The following SEMA3F variants were observed in gnomAD, a reference collection of about 807,000 sequenced individuals.
The protein encoded by SEMA3F is semaphorin-3F.
A neutral mutation model predicts 98.5 loss-of-function variants in SEMA3F; 30 were observed. The ratio of observed to expected loss-of-function variants is 0.30; its 90% CI spans 0.23 to 0.41. The LOEUF (loss-of-function observed/expected upper bound fraction) is 0.41, where lower values mean the gene tolerates loss of function less well. SEMA3F is among the 10% of genes least tolerant of loss of function. The pLI is 1.00. For synonymous variants in SEMA3F, 380 were observed against 444.8 expected, an observed-to-expected ratio of 0.85 and a Z score of 1.83; for missense variants, 866 against 1,119.3, an observed-to-expected ratio of 0.77 and a Z score of 3.23.
intron 2 of SEMA3F, among the ~76,000 whole-genome samples, chr3:50,168,641 A>G (rs2109075080): frequency 6.6e-6 from 1 of 152,204 alleles, no homozygotes; most frequent in African/African-American, 2.4e-5. Context: ...TTAAAAGAGG[A>G]TTAGGCTGAG....
chr3:50,183,819 GCTGAAGGTTGGGGGGA>G (rs1322304396), intron 12 of SEMA3F, among the ~76,000 whole-genome samples: 2 of 152,202 alleles, frequency 1.3e-5, no homozygotes, highest in Admixed American at 1.3e-4. Context: ...CTGTTTGGGA[GCTGAAGGTTGGGGGGA>G]AGCGTCTTCC....
At chr3:50,162,511 C>T (rs1054888486) in intron 2 of SEMA3F, among the ~76,000 whole-genome samples, 1 of 152,184 alleles carries the variant, frequency 6.6e-6, no homozygotes, top group African/African-American at 2.4e-5. Context: ...TGGACAGACC[C>T]TCCTTCCTTC....
chr3:50,177,862 A>G (rs1698871425), intron 7 of SEMA3F, among the ~76,000 whole-genome samples: 1 of 152,138 alleles, frequency 6.6e-6, no homozygotes, highest in Non-Finnish European at 1.5e-5. Context: ...TCTCTACTAA[A>G]AAATAAAAAA....
In SEMA3F at chr3:50,183,339, G is replaced by A. The variant is rs111900992; in HGVS notation, c.1089-81G>A. 595 of 1,603,590 alleles carry A rather than the reference G, an allele frequency of 3.7e-4. 9 individuals carry two copies. The Middle Eastern group carries it at 1.0e-2, about 27-fold the overall frequency. ...TCGTGGAGAACCCCAGCCCGGTGGC[G>A]AGCTGTGGGGAGGGGGCAGTTTGGG... On this transcript the variant is annotated intron_variant, in intron 11 of 18. Coordinates refer to ENST00000002829, the MANE Select transcript of SEMA3F (RefSeq NM_004186.5).
chr3:50,161,777 T>C (rs190120171), intron 2 of SEMA3F, among the ~76,000 whole-genome samples: 1 of 152,174 alleles, frequency 6.6e-6, no homozygotes, highest in East Asian at 1.9e-4. Flanking sequence ...GGATATCCAG[T>C]TGGTCAGGGC....
intron 2 of SEMA3F, among the ~76,000 whole-genome samples, chr3:50,171,782 C>T (rs1000694880): frequency 3.9e-5 from 6 of 152,092 alleles, no homozygotes; most frequent in South Asian, 2.1e-4. Context: ...GTGCCTGGGC[C>T]GCCCTGCCCA....
Position 50,182,643 on chromosome 3 carries a change from G to T in SEMA3F, c.764-1G>T. ...ACCCAGCTGACCCCTGCCACCTGCA[G>T]ACCCGTCGTTCATCCATGCTGAGCT... is the stretch of plus-strand genomic sequence containing the variant. On this transcript the variant is annotated splice_acceptor_variant, in intron 8 of 18. Transcript: ENST00000002829. LOFTEE classifies it high-confidence loss of function. This position sits in a 1 kb window ranked among gnomAD's most constrained non-coding sequence, Gnocchi z 4.5. The T allele has an allele frequency of 6.2e-7, 1 of 1,610,864 alleles. No homozygotes were observed. The highest frequency in any genetic ancestry group is 1.1e-5 in the South Asian group (1 of 90,906).
At chr3:50,185,737 G>A in intron 15 of SEMA3F, 30 bp downstream of exon 15, 1 of 1,613,818 alleles carries the variant, frequency 6.2e-7, no homozygotes, top group Non-Finnish European at 8.5e-7. Flanking sequence ...AGCCAAGGTT[G>A]GGGACAGGGC....
chr3:50,164,113 G>A (rs1371655865), intron 2 of SEMA3F, among the ~76,000 whole-genome samples: 2 of 152,188 alleles, frequency 1.3e-5, no homozygotes, highest in Non-Finnish European at 2.9e-5. Flanking sequence ...GGGTCAGCCA[G>A]GCCAGGGGCT....
intron 15 of SEMA3F, 58 bp downstream of exon 15, chr3:50,185,765 C>T: frequency 6.2e-7 from 1 of 1,610,404 alleles, no homozygotes; most frequent in Non-Finnish European, 8.5e-7. Context: ...CCCTCAGGGT[C>T]ATGCCCTTGG....
upstream of SEMA3F, chr3:50,155,169 A>T (rs1398614146): frequency 1.4e-5 from 5 of 345,268 alleles, 1 homozygote; most frequent in Non-Finnish European, 2.6e-5. The surrounding 1 kb of genome is among the most constrained non-coding windows in gnomAD (Gnocchi z 4.9). Context: ...GGAACCGTGC[A>T]GCCCAGCGCG....
At chr3:50,181,125 A>G (rs1699000895) in intron 7 of SEMA3F, among the ~76,000 whole-genome samples, 1 of 152,054 alleles carries the variant, frequency 6.6e-6, no homozygotes, top group African/African-American at 2.4e-5. Context: ...ACACAAAGTA[A>G]GCATATGCTG....
Position 50,182,560 on chromosome 3 carries a change from T to C in SEMA3F, c.764-84T>C. 1.3e-6 allele frequency: 2 copies of C among 1,583,558 alleles called. No individual in the cohort carries two copies. The highest frequency in any genetic ancestry group is 1.7e-6 in the Non-Finnish European group (2 of 1,160,552). Reference sequence around the variant, plus strand: ...TCTGGAGAGGAGTTGGGGGTGTTCTTGCACCTGGCTGGGGATTCTGTTGGA... The same window carrying C: ...TCTGGAGAGGAGTTGGGGGTGTTCTCGCACCTGGCTGGGGATTCTGTTGGA... On this transcript the variant is annotated intron_variant, in intron 8 of 18. Coordinates refer to ENST00000002829, the MANE Select transcript of SEMA3F (RefSeq NM_004186.5). The surrounding 1 kb of genome is among the most constrained non-coding windows in gnomAD (Gnocchi z 4.5).
chr3:50,165,880 G>T (rs1328709507), intron 2 of SEMA3F, among the ~76,000 whole-genome samples: 1 of 152,216 alleles, frequency 6.6e-6, no homozygotes, highest in Non-Finnish European at 1.5e-5. Context: ...ATGGGGTCTG[G>T]GCAGTGGCTG....
chr3:50,185,493 T>A lies in SEMA3F; in HGVS notation c.1507T>A (p.Leu503Met), dbSNP rs1046956. Reference protein sequence around the residue: ...VIVLPKDDQELEELMLEEVEV... With the variant: ...VIVLPKDDQEMEELMLEEVEV... ...TGTGCTGCCCAAGGATGACCAGGAG[T>A]TGGAGGAGCTCATGCTGGAGGAGGT... is the stretch of plus-strand genomic sequence containing the variant. Residue 503 changes from leucine to methionine, a missense_variant, in exon 14 of 19, where the codon TTG becomes ATG. Transcript: ENST00000002829. 0.69 allele frequency: 1,112,510 copies of A among 1,613,054 alleles called. 388,839 individuals carry two copies. The highest frequency in any genetic ancestry group is 1 in the East Asian group (44,672 of 44,838).
chr3:50,185,611 G>A (rs2109123081), intron 14 of SEMA3F, 55 bp from the exon 15 acceptor site: 2 of 1,613,352 alleles, frequency 1.2e-6, no homozygotes, highest in African/African-American at 1.3e-5. Flanking sequence ...AGACCTCTAG[G>A]TCAGGGCAGG....
At chr3:50,174,474 ACTT>A (rs1698732327) in intron 5 of SEMA3F, 124 bp downstream of exon 5, 2 of 1,166,734 alleles carry the variant, frequency 1.7e-6, no homozygotes, top group Non-Finnish European at 2.4e-6. Context: ...TGGGTGAGTG[ACTT>A]CTTTCACCTC....
Position 50,175,100 on chromosome 3 carries a change from C to T in SEMA3F, c.461C>T (p.Thr154Ile), listed in dbSNP as rs1698758443. 3 of 1,610,838 alleles carry T rather than the reference C, an allele frequency of 1.9e-6. No individual in the cohort carries two copies. Among genetic ancestry groups the T allele is most frequent in the Non-Finnish European group, 1.7e-6 (2 of 1,178,776 alleles). The stretch of plus-strand genomic sequence containing the variant: ...CCCTGTTCCTCGTCTTCTCAGGCCA[C>T]ACCATGGACCCAGACTCAGGCGGTC... ...YVNRGRRAQA[T>I]PWTQTQAVRG... Residue 154 changes from threonine (T) to isoleucine (I), a missense_variant, in exon 6 of 19, where the codon ACA becomes ATA. Thr to Ile is a moderately conservative substitution (Grantham distance 89, BLOSUM62 -1). This residue lies in a region of SEMA3F where 247 missense variants were observed against 276.0 expected (regional missense o/e 0.89). Coordinates refer to ENST00000002829, the MANE Select transcript of SEMA3F (RefSeq NM_004186.5).
In SEMA3F at chr3:50,166,205, A is replaced by G. The variant is rs1698397736; in HGVS notation, c.112+6471A>G. Among the ~76,000 whole-genome samples, 1 of 148,608 alleles carries G rather than the reference A, an allele frequency of 6.7e-6. No homozygotes were observed. The highest frequency in any genetic ancestry group is 1.5e-5 in the Non-Finnish European group (1 of 67,552). On this transcript the variant is annotated intron_variant, in intron 2 of 18. Transcript: ENST00000002829. This position sits in a 1 kb window ranked among gnomAD's most constrained non-coding sequence, Gnocchi z 4.7. The stretch of plus-strand genomic sequence containing the variant: ...TCCTCGGACGTCTCTGTACCCAGCC[A>G]AGAGCCTTGTTCCTTCCCACTTGGG...
Sources: gnomAD v4.1 joint callset for allele counts (sites outside exome capture counted in the v4.1 genomes callset) on GRCh38, gnomAD v4.1.1 for gene constraint, gnomAD v4.1.1 regional missense constraint, Gnocchi (gnomAD v3.1) non-coding constraint, MANE v1.5 for transcripts, NCBI Gene and HGNC (gene_info 2026-07-23, HGNC 2026-07-21) for gene names.